PALLD: variants seen among roughly 807,000 people sequenced by gnomAD.
The protein encoded by PALLD is palladin, cytoskeletal associated protein, also known as palladin.
PALLD carries 61 observed loss-of-function variants against 123.5 expected under a neutral mutation model. The observed-to-expected ratio is 0.49, with a 90% CI of 0.40 to 0.61. The LOEUF (loss-of-function observed/expected upper bound fraction) is 0.61, where lower values mean the gene tolerates loss of function less well. Among genes scored for constraint, PALLD ranks in the 20% least tolerant of loss-of-function variants. PALLD has a pLI of 0.00. For missense variants in PALLD, 1,273 were observed against 1,377.0 expected (o/e 0.92, Z 1.20); for synonymous variants, 465 against 496.4 (o/e 0.94, Z 0.84).
intron 11 of PALLD, 83 bp from the exon 12 acceptor site, chr4:168,894,496 T>TTTTACTC: frequency 1.2e-6 from 1 of 822,152 alleles, no homozygotes; most frequent in Non-Finnish European, 2.1e-6. Context: ...TGAAAGTGTG[T>TTTTACTC]TGTTTTTTAC....
At chr4:168,738,886 A>G (rs1464093796) in intron 10 of PALLD, among the ~76,000 whole-genome samples, 1 of 152,134 alleles carries the variant, frequency 6.6e-6, no homozygotes, top group African/African-American at 2.4e-5. Context: ...CTTGAAAAAA[A>G]TAGTTAATTA....
At chr4:168,741,577 C>T (rs1561469594) in intron 10 of PALLD, among the ~76,000 whole-genome samples, 2 of 151,996 alleles carry the variant, frequency 1.3e-5, no homozygotes. Flanking sequence ...CCCAGCTACT[C>T]GGGACAGTGA....
At chr4:168,922,094 T>TACAC (rs1560930620) in intron 18 of PALLD, among the ~76,000 whole-genome samples, 1 of 106,826 alleles carries the variant, frequency 9.4e-6, no homozygotes, top group African/African-American at 3.2e-5. Context: ...TTTATATATA[T>TACAC]ATATATATAC....
At chr4:168,671,669 G>A (rs1475839373) in intron 3 of PALLD, among the ~76,000 whole-genome samples, 2 of 152,164 alleles carry the variant, frequency 1.3e-5, no homozygotes, top group African/African-American at 4.8e-5. Context: ...TAATCCCTAA[G>A]AACAGTTATG....
At chr4:168,650,692 A>G (rs574161424) in intron 2 of PALLD, among the ~76,000 whole-genome samples, 3 of 152,076 alleles carry the variant, frequency 2.0e-5, no homozygotes, top group Admixed American at 6.5e-5. Flanking sequence ...GGTTATAGCA[A>G]TTTTCAATAT....
chr4:168,873,890 G>A lies in PALLD; in HGVS notation c.1965-17032G>A, dbSNP rs571600235. On this transcript the variant is annotated intron_variant, in intron 10 of 21. Transcript: ENST00000505667. ...GCTTCGTGATGAGGAGAAGGCGGAG[G>A]AGCAGTGCTAAAACCAGCCATCTTA... Among the ~76,000 whole-genome samples the A allele has an allele frequency of 2.0e-5, 3 of 152,260 alleles. No homozygotes were observed. In the East Asian group the frequency reaches 5.8e-4, roughly 29 times the overall value.
At chr4:168,634,319 A>G (rs1295470601) in intron 2 of PALLD, among the ~76,000 whole-genome samples, 2 of 152,078 alleles carry the variant, frequency 1.3e-5, no homozygotes, top group African/African-American at 4.8e-5. Flanking sequence ...TGACCTTCCC[A>G]TTTGTTGGTC....
intron 2 of PALLD, among the ~76,000 whole-genome samples, chr4:168,573,195 T>C (rs1392870974): frequency 6.6e-6 from 1 of 151,806 alleles, no homozygotes; most frequent in Non-Finnish European, 1.5e-5. Context: ...TCCTAGATCT[T>C]CTCATGATGA....
At chr4:168,677,438 T>C (rs1780973713) in intron 3 of PALLD, among the ~76,000 whole-genome samples, 1 of 152,142 alleles carries the variant, frequency 6.6e-6, no homozygotes, top group South Asian at 2.1e-4. Flanking sequence ...TTTGGCCCCT[T>C]TTTCCTTTGA....
At chr4:168,503,230 T>C (rs111977167) in intron 1 of PALLD, among the ~76,000 whole-genome samples, 96 of 152,268 alleles carry the variant, frequency 6.3e-4, no homozygotes, top group Middle Eastern at 3.4e-3. Flanking sequence ...ATGACTGCTG[T>C]GAGAAACGCA....
At chr4:168,859,886 T>C (rs1749186232) in intron 10 of PALLD, among the ~76,000 whole-genome samples, 1 of 152,250 alleles carries the variant, frequency 6.6e-6, no homozygotes, top group Admixed American at 6.5e-5. Context: ...TAACCCAATA[T>C]ATTCAAAATA....
At chr4:168,574,008 G>A (rs888876855) in intron 2 of PALLD, among the ~76,000 whole-genome samples, 4 of 151,524 alleles carry the variant, frequency 2.6e-5, no homozygotes, top group African/African-American at 9.7e-5. Context: ...TCTGTGCCAC[G>A]TCTTGCTTTC....
chr4:168,899,425 TA>T (rs1259521087), intron 14 of PALLD, among the ~76,000 whole-genome samples: 3 of 152,174 alleles, frequency 2.0e-5, no homozygotes, highest in Non-Finnish European at 2.9e-5. Context: ...TTAAAACCCC[TA>T]AACTACACTA....
chr4:168,874,660 T>TTA (rs397812857), intron 10 of PALLD, among the ~76,000 whole-genome samples: 1 of 151,552 alleles, frequency 6.6e-6, no homozygotes, highest in African/African-American at 2.4e-5. Context: ...TTTTTTTTTT[T>TTA]AAGTCACATT....
chr4:168,913,989 C>T lies in PALLD; in HGVS notation c.2685C>T (p.Pro895=). Residue 895 remains proline, a synonymous_variant, in exon 16 of 22, where the codon CCC becomes CCT. Coordinates refer to ENST00000505667, the MANE Select transcript of PALLD (RefSeq NM_001166108.2). The part of the protein sequence containing the change: ...VQAVNQRGRS[P]RSPSGHPHVR... ...CTGTCAACCAAAGAGGTCGAAGTCC[C>T]CGGTCTCCCTCAGGCCATCCTCATG... 3.7e-6 allele frequency: 6 copies of T among 1,611,920 alleles called. No individual in the cohort carries two copies. The highest frequency in any genetic ancestry group is 5.1e-6 in the Non-Finnish European group (6 of 1,178,020).
intron 2 of PALLD, among the ~76,000 whole-genome samples, chr4:168,608,336 A>G (rs113083103): frequency 6.6e-6 from 1 of 152,184 alleles, no homozygotes; most frequent in African/African-American, 2.4e-5. Context: ...TGAGCCCCCC[A>G]TTTGCATCTC....
chr4:168,555,932 C>T (rs1767239277), intron 2 of PALLD, among the ~76,000 whole-genome samples: 1 of 152,192 alleles, frequency 6.6e-6, no homozygotes, highest in African/African-American at 2.4e-5. Flanking sequence ...TAACCTAAGA[C>T]ACCCTATTTA....
intron 2 of PALLD, among the ~76,000 whole-genome samples, chr4:168,618,851 G>A (rs1209115721): frequency 2.6e-5 from 4 of 152,120 alleles, no homozygotes; most frequent in South Asian, 4.1e-4. Flanking sequence ...CCTCACTGGC[G>A]TCACCGATTA....
chr4:168,793,341 GTGCATATATATACATATATGTGTGC>G lies in PALLD; in HGVS notation c.1964+81419_1964+81443del, dbSNP rs201649183. Among the ~76,000 whole-genome samples, 175 of 66,930 alleles carry G rather than the reference GTGCATATATATACATATATGTGTGC, an allele frequency of 2.6e-3. 53 individuals carry two copies. Among genetic ancestry groups the G allele is most frequent in the Middle Eastern group, 9.8e-3 (1 of 102 alleles). The allele number at this position is 66,930 out of a possible 152,430, so 43.9% of individuals were successfully genotyped here. A position where few individuals can be genotyped will look rare whatever the true frequency, so the allele number is the denominator to read the frequency against. On this transcript the variant is annotated intron_variant, in intron 10 of 21. Transcript: ENST00000505667. ...TGTGCATATATATACATATATATGTGTGCATATATATACATATATGTGTGCATATATATCACATATATATACACAC... is the reference window on the plus strand; with the variant it reads ...TGTGCATATATATACATATATATGTGATATATATCACATATATATACACAC...
Sources: allele counts gnomAD v4.1 joint callset (sites outside exome capture counted in the v4.1 genomes callset), GRCh38; gene constraint gnomAD v4.1.1; transcripts MANE v1.5; gene names NCBI Gene and HGNC (gene_info 2026-07-23, HGNC 2026-07-21).